Variants in SCFD2 observed in about 807,000 individuals in gnomAD.
The protein encoded by SCFD2 is sec1 family domain-containing protein 2.
SCFD2 carries 54 observed loss-of-function variants against 58.9 expected under a neutral mutation model. That is an observed-to-expected ratio of 0.92 (90% confidence interval 0.74 to 1.15). The LOEUF is 1.15. Among genes scored for constraint, SCFD2 ranks in the 50% most tolerant of loss-of-function variants. The probability of loss-of-function intolerance (pLI) is 0.00; values close to 1 mark genes in which losing one functional copy is unlikely to be tolerated. For synonymous variants in SCFD2, 321 were observed against 335.9 expected (o/e 0.96, Z 0.49); for missense variants, 805 against 836.6 (o/e 0.96, Z 0.47).
At position 52,874,030 on chromosome 4, in the gene SCFD2, G is replaced by A. The variant is rs1718411688; in HGVS notation, c.1994C>T (p.Pro665Leu). Residue 665 changes from proline to leucine, a missense_variant, in exon 9 of 9, where the codon CCA (proline) becomes CTA (leucine). Pro to Leu is a moderately conservative substitution (Grantham distance 98). This residue lies in a region of SCFD2 where 633 missense variants were observed against 646.8 expected (regional missense o/e 0.98). Transcript: ENST00000401642. ...AAATAACAGCTCAGGAATGTTAAGT[G>A]GCTTCAGGAGTCGTGTGGACAGCAC... ...VIVLSTRLLK[P>L]LNIPELLFAT... The A allele has an allele frequency of 6.2e-7, 1 of 1,614,126 alleles. No individual in the cohort carries two copies. The highest frequency in any genetic ancestry group is 1.3e-5 in the African/African-American group (1 of 75,042).
chr4:53,191,656 C>G (rs1727895738), intron 4 of SCFD2, among the ~76,000 whole-genome samples: 1 of 152,148 alleles, frequency 6.6e-6, no homozygotes, highest in South Asian at 2.1e-4. Flanking sequence ...CCACCTGCCT[C>G]GGCCTCCCAA....
At chr4:52,931,973 C>T (rs903646057) in intron 5 of SCFD2, among the ~76,000 whole-genome samples, 2 of 152,150 alleles carry the variant, frequency 1.3e-5, no homozygotes, top group Non-Finnish European at 2.9e-5. Flanking sequence ...GGCCCCAGGG[C>T]TCCCCAAAGA....
At chr4:53,056,738 A>G (rs1351391739) in intron 5 of SCFD2, among the ~76,000 whole-genome samples, 1 of 152,020 alleles carries the variant, frequency 6.6e-6, no homozygotes, top group East Asian at 1.9e-4. Flanking sequence ...GACATCCCCC[A>G]CTCTTCAGTT....
intron 5 of SCFD2, among the ~76,000 whole-genome samples, chr4:53,118,524 G>A (rs1725387244): frequency 6.6e-6 from 1 of 152,104 alleles, no homozygotes; most frequent in African/African-American, 2.4e-5. Flanking sequence ...TCTCATAATT[G>A]CAATAAGTAG....
chr4:52,930,812 G>A (rs370309819), intron 5 of SCFD2, among the ~76,000 whole-genome samples: 3 of 152,134 alleles, frequency 2.0e-5, no homozygotes, highest in Non-Finnish European at 2.9e-5. Context: ...TAGACAAAGA[G>A]ATTCTGAAGT....
chr4:53,262,086 G>A (rs1347029324), intron 4 of SCFD2, among the ~76,000 whole-genome samples: 2 of 151,936 alleles, frequency 1.3e-5, no homozygotes, highest in African/African-American at 4.8e-5. Flanking sequence ...CTCACTTTTG[G>A]TGTCCATTTG....
At chr4:52,967,619 G>C (rs1240169035) in intron 5 of SCFD2, among the ~76,000 whole-genome samples, 2 of 152,134 alleles carry the variant, frequency 1.3e-5, no homozygotes, top group Non-Finnish European at 2.9e-5. Flanking sequence ...TTCCTTCCAT[G>C]GGAGAAGTGG....
intron 4 of SCFD2, among the ~76,000 whole-genome samples, chr4:53,251,911 G>C (rs1023052379): frequency 4.6e-4 from 69 of 151,546 alleles, no homozygotes; most frequent in African/African-American, 1.5e-3. Context: ...AGGAAATAAA[G>C]GGTATTCAAT....
chr4:52,982,693 A>G (rs1721401901), intron 5 of SCFD2, among the ~76,000 whole-genome samples: 1 of 152,214 alleles, frequency 6.6e-6, no homozygotes, highest in Non-Finnish European at 1.5e-5. Flanking sequence ...TCACCTTAAG[A>G]GAATATGCCT....
At chr4:53,251,018 C>A (rs1158015877) in intron 4 of SCFD2, among the ~76,000 whole-genome samples, 1 of 152,086 alleles carries the variant, frequency 6.6e-6, no homozygotes, top group African/African-American at 2.4e-5. Context: ...AGAGAAGAAT[C>A]AAATAGATGC....
intron 5 of SCFD2, among the ~76,000 whole-genome samples, chr4:53,064,786 T>C (rs1464796676): frequency 6.6e-6 from 1 of 152,156 alleles, no homozygotes; most frequent in Non-Finnish European, 1.5e-5. Context: ...GACAAGTTTC[T>C]TAACTTACTT....
At chr4:52,981,301 C>A (rs1189901994) in intron 5 of SCFD2, among the ~76,000 whole-genome samples, 12 of 152,164 alleles carry the variant, frequency 7.9e-5, no homozygotes, top group Admixed American at 7.9e-4. Flanking sequence ...AGTAAATTTG[C>A]TTTCTAAGAA....
chr4:53,107,574 A>T (rs903947996), intron 5 of SCFD2, among the ~76,000 whole-genome samples: 1 of 152,214 alleles, frequency 6.6e-6, no homozygotes, highest in African/African-American at 2.4e-5. Flanking sequence ...AGGGGTTGTG[A>T]TCCTAGTCCC....
rs145888582 is a variant in SCFD2 at position 53,067,541 on chromosome 4, C to T, written c.1561+77792G>A. Among the ~76,000 whole-genome samples the T allele has an allele frequency of 2.2e-4, 33 of 152,038 alleles. No individual in the cohort carries two copies. The East Asian group carries it at 3.7e-3, about 17-fold the overall frequency. On this transcript the variant is annotated intron_variant, in intron 5 of 8. Transcript: ENST00000401642. ...AGGTGGAGATAACTGAATCATGGGA[C>T]GGTTTTGCCCATGTTGTTCTTGTGG...
At chr4:53,007,465 T>C (rs990163937) in intron 5 of SCFD2, among the ~76,000 whole-genome samples, 5 of 151,884 alleles carry the variant, frequency 3.3e-5, no homozygotes, top group African/African-American at 1.2e-4. Context: ...CTGATAATTG[T>C]TGCTTTGAAA....
chr4:53,244,889 A>G (rs1392282083), intron 4 of SCFD2, among the ~76,000 whole-genome samples: 1 of 147,724 alleles, frequency 6.8e-6, no homozygotes, highest in Non-Finnish European at 1.5e-5. Context: ...AAGAGAGAAG[A>G]TTCAAATATA....
intron 4 of SCFD2, among the ~76,000 whole-genome samples, chr4:53,218,261 T>C (rs924171784): frequency 1.9e-4 from 29 of 152,188 alleles, no homozygotes; most frequent in African/African-American, 6.8e-4. Flanking sequence ...TCCATTCTCC[T>C]CGTCACTTTC....
chr4:53,282,975 C>T (rs868402238), intron 3 of SCFD2, among the ~76,000 whole-genome samples: 1 of 152,148 alleles, frequency 6.6e-6, no homozygotes, highest in African/African-American at 2.4e-5. Flanking sequence ...GAGCTACCTG[C>T]CCATGAGCAA....
chr4:53,071,913 AAT>A lies in SCFD2; in HGVS notation c.1561+73418_1561+73419del, dbSNP rs967770340. On this transcript the variant is annotated intron_variant, in intron 5 of 8. Coordinates refer to ENST00000401642, the MANE Select transcript of SCFD2 (RefSeq NM_152540.4). The stretch of plus-strand genomic sequence containing the variant: ...TTTCTACTTTTTGATACCAGATAGT[AAT>A]ATAATTTGCACATAATTATTTAAAA... Among the ~76,000 whole-genome samples the A allele has an allele frequency of 3.3e-5, 5 of 152,288 alleles. 1 individual carries two copies. Among genetic ancestry groups the A allele is most frequent in the East Asian group, 3.9e-4 (2 of 5,188 alleles).
Sources: gnomAD v4.1 joint callset for allele counts (sites outside exome capture counted in the v4.1 genomes callset) on GRCh38, gnomAD v4.1.1 for gene constraint, gnomAD v4.1.1 regional missense constraint, MANE v1.5 for transcripts, NCBI Gene and HGNC (gene_info 2026-07-23, HGNC 2026-07-21) for gene names.